Variants in CALN1 observed in about 807,000 individuals in gnomAD.
CALN1 encodes the protein calcium-binding protein 8.
CALN1 carries 17 observed loss-of-function variants against 30.6 expected under a neutral mutation model. The ratio of observed to expected loss-of-function variants is 0.56; its 90% CI spans 0.38 to 0.83. The LOEUF (loss-of-function observed/expected upper bound fraction) is 0.83, where lower values mean the gene tolerates loss of function less well. Among genes scored for constraint, CALN1 ranks in the 40% least tolerant of loss-of-function variants. CALN1 has a pLI of 0.00. For missense variants in CALN1, 291 were observed against 354.9 expected (o/e 0.82, Z 1.45); for synonymous variants, 156 against 131.4 (o/e 1.19, Z -1.28).
chr7:72,146,522 C>T (rs1563097041), intron 3 of CALN1, among the ~76,000 whole-genome samples: 1 of 152,114 alleles, frequency 6.6e-6, no homozygotes, highest in Non-Finnish European at 1.5e-5. Flanking sequence ...GAATCAATAT[C>T]GTGAAAATGG....
chr7:71,796,929 G>A (rs1422699645), intron 6 of CALN1, among the ~76,000 whole-genome samples: 5 of 152,168 alleles, frequency 3.3e-5, no homozygotes, highest in Non-Finnish European at 5.9e-5. Flanking sequence ...ACCTGGGTGT[G>A]CAAGCTCTAG....
intron 2 of CALN1, among the ~76,000 whole-genome samples, chr7:72,359,480 T>C (rs1803430204): frequency 6.6e-6 from 1 of 152,188 alleles, no homozygotes; most frequent in Non-Finnish European, 1.5e-5. Context: ...TACCTTTCTT[T>C]TTCACTTGAC....
At chr7:72,208,389 G>GCTCT (rs1792048535) in intron 3 of CALN1, among the ~76,000 whole-genome samples, 1 of 152,158 alleles carries the variant, frequency 6.6e-6, no homozygotes, top group Non-Finnish European at 1.5e-5. Context: ...TTTTATCACA[G>GCTCT]CTCTAAATAG....
At chr7:72,018,820 T>A (rs1800546126) in intron 5 of CALN1, among the ~76,000 whole-genome samples, 1 of 150,026 alleles carries the variant, frequency 6.7e-6, no homozygotes, top group Non-Finnish European at 1.5e-5. Flanking sequence ...AGGAAAGCAC[T>A]GGAAAAAAAT....
At chr7:72,109,144 G>A (rs528914790) in intron 3 of CALN1, among the ~76,000 whole-genome samples, 2 of 152,172 alleles carry the variant, frequency 1.3e-5, no homozygotes, top group East Asian at 1.9e-4. Flanking sequence ...GTCTGAATGG[G>A]TAAGGATCAT....
intron 4 of CALN1, among the ~76,000 whole-genome samples, chr7:72,067,613 A>C (rs1184777072): frequency 2.6e-5 from 4 of 152,208 alleles, no homozygotes; most frequent in Non-Finnish European, 4.4e-5. Context: ...GTATCTTATA[A>C]AGAAAAATTT....
chr7:72,190,185 G>A (rs544134773), intron 3 of CALN1, among the ~76,000 whole-genome samples: 2 of 152,036 alleles, frequency 1.3e-5, no homozygotes, highest in African/African-American at 2.4e-5. Flanking sequence ...GCAAAACCCC[G>A]TCTCTACTAA....
At chr7:72,433,163 T>A (rs958386418) in intron 1 of CALN1, among the ~76,000 whole-genome samples, 3 of 152,182 alleles carry the variant, frequency 2.0e-5, no homozygotes, top group African/African-American at 4.8e-5. Flanking sequence ...GAAAGGAACC[T>A]GCCCCTTGGA....
At chr7:72,360,108 G>A (rs887014111) in intron 2 of CALN1, among the ~76,000 whole-genome samples, 1 of 151,996 alleles carries the variant, frequency 6.6e-6, no homozygotes. Context: ...ACTCATGGTC[G>A]AATCTTGGTT....
At chr7:72,341,620 A>G (rs1309133490) in intron 2 of CALN1, among the ~76,000 whole-genome samples, 1 of 152,242 alleles carries the variant, frequency 6.6e-6, no homozygotes, top group Non-Finnish European at 1.5e-5. Context: ...CCACATAACC[A>G]GAGTGGGAAA....
At chr7:72,423,940 AAG>A (rs1409556897) in intron 1 of CALN1, among the ~76,000 whole-genome samples, 1 of 87,758 alleles carries the variant, frequency 1.1e-5, no homozygotes, top group African/African-American at 4.5e-5. Context: ...AAAGAAGAGA[AAG>A]AAAGAAAGAA....
chr7:72,276,459 G>A (rs148065075), intron 3 of CALN1, among the ~76,000 whole-genome samples: 3 of 152,286 alleles, frequency 2.0e-5, no homozygotes, highest in Admixed American at 6.5e-5. Flanking sequence ...AGGTGATTAG[G>A]AGGGAGCAGC....
chr7:71,847,753 G>GAAGAAAA, intron 5 of CALN1, among the ~76,000 whole-genome samples: 1 of 117,452 alleles, frequency 8.5e-6, no homozygotes, highest in African/African-American at 3.0e-5. Context: ...GAAGAAGAAA[G>GAAGAAAA]AAGAAAGAAG....
At chr7:72,460,432 G>C in the CALN1 span, among the ~76,000 whole-genome samples, 1 of 152,046 alleles carries the variant, frequency 6.6e-6, no homozygotes, top group Admixed American at 6.6e-5. Flanking sequence ...AGGAGTTCGA[G>C]ACCAGCCTGG....
intron 4 of CALN1, among the ~76,000 whole-genome samples, chr7:72,088,088 A>G (rs1480840489): frequency 1.3e-5 from 2 of 152,194 alleles, no homozygotes; most frequent in African/African-American, 2.4e-5. Flanking sequence ...AGATCGCTTG[A>G]GCCCAGGAGT....
chr7:72,211,706 C>A (rs1316827090), intron 3 of CALN1, among the ~76,000 whole-genome samples: 4 of 152,166 alleles, frequency 2.6e-5, no homozygotes, highest in Non-Finnish European at 5.9e-5. Context: ...ACGGTCCCTG[C>A]TGCTAAAATA....
intron 3 of CALN1, among the ~76,000 whole-genome samples, chr7:72,275,374 A>T (rs1368100400): frequency 1.3e-5 from 2 of 152,046 alleles, no homozygotes; most frequent in Non-Finnish European, 2.9e-5. Flanking sequence ...CCCAACACCA[A>T]TCCATAGTCA....
chr7:72,189,767 CA>C (rs56087252), intron 3 of CALN1, among the ~76,000 whole-genome samples: 25,708 of 130,820 alleles, frequency 0.2, 2,171 homozygotes, highest in East Asian at 0.33. Flanking sequence ...GACTTTGTCT[CA>C]AAAAAAAAAA....
chr7:72,387,793 G>A (rs1805327180), intron 2 of CALN1, among the ~76,000 whole-genome samples: 1 of 152,140 alleles, frequency 6.6e-6, no homozygotes, highest in Admixed American at 6.5e-5. Context: ...GGCACAGAAG[G>A]ACAAACACCA....
Sources: gnomAD v4.1 joint callset for allele counts (sites outside exome capture counted in the v4.1 genomes callset) on GRCh38, gnomAD v4.1.1 for gene constraint, MANE v1.5 for transcripts, NCBI Gene and HGNC (gene_info 2026-07-23, HGNC 2026-07-21) for gene names.